MN1: variants seen among roughly 807,000 people sequenced by gnomAD.
MN1 encodes the protein transcriptional activator MN1.
MN1 carries 19 observed loss-of-function variants against 86.9 expected under a neutral mutation model. The ratio of observed to expected loss-of-function variants is 0.22; its 90% CI spans 0.15 to 0.32. The LOEUF is 0.32. MN1 is among the 10% of genes least tolerant of loss of function. MN1 has a pLI of 1.00. For synonymous variants in MN1, 928 were observed against 849.6 expected, an observed-to-expected ratio of 1.09 and a Z score of -1.60; for missense variants, 1,841 against 1,862.0, an observed-to-expected ratio of 0.99 and a Z score of 0.21.
rs1464380302 is a variant in MN1, at chr22:27,748,398, AT to A, written c.*2516del. The A allele has an allele frequency of 1.1e-5, 2 of 185,000 alleles. No homozygotes were observed. Among genetic ancestry groups the A allele is most frequent in the Non-Finnish European group, 2.3e-5 (2 of 87,166 alleles). 11.5% of individuals were successfully genotyped at this position (185,000 alleles called of 1,614,324 possible). A position where few individuals can be genotyped will look rare whatever the true frequency, so the allele number is the denominator to read the frequency against. On this transcript the variant is annotated 3_prime_UTR_variant, in exon 2 of 2. Transcript: ENST00000302326. ...ATTTTTTTAAAAAAGAAAGAAAAAA[AT>A]AACACTCAATTTCATGAGCTATTGT...
intron 1 of MN1, among the ~76,000 whole-genome samples, chr22:27,792,585 A>G (rs574642555): frequency 4.2e-4 from 64 of 152,192 alleles, no homozygotes; most frequent in African/African-American, 1.5e-3. Context: ...CAGCCATGAA[A>G]TATTAAACAA....
intron 1 of MN1, among the ~76,000 whole-genome samples, chr22:27,754,027 A>G (rs2146292935): frequency 6.6e-6 from 1 of 152,318 alleles, no homozygotes; most frequent in Middle Eastern, 3.4e-3. Context: ...TGAACGTAGC[A>G]ATGCTTGAGC....
rs5844790 is a variant in MN1, at chr22:27,761,432, G to GA, written c.3782-10337dup. ...TCTCTCTCACACACACTTTTTGGGG[G>GA]AAAAAAAAAAAAACCCAAGGCTCAC... On this transcript the variant is annotated intron_variant, in intron 1 of 1. Coordinates refer to ENST00000302326, the MANE Select transcript of MN1 (RefSeq NM_002430.3). Among the ~76,000 whole-genome samples the GA allele has an allele frequency of 1.4e-3, 197 of 140,114 alleles. 1 individual carries two copies. Among genetic ancestry groups the GA allele is most frequent in the Non-Finnish European group, 1.5e-3 (96 of 64,154 alleles). 91.9% of individuals were successfully genotyped at this position (140,114 alleles called of 152,430 possible).
At chr22:27,762,083 G>C (rs1051525185) in intron 1 of MN1, among the ~76,000 whole-genome samples, 1 of 152,108 alleles carries the variant, frequency 6.6e-6, no homozygotes, top group Non-Finnish European at 1.5e-5. Flanking sequence ...ATCTCTGATT[G>C]GGCTCCCTGT....
chr22:27,783,351 C>T (rs532341692), intron 1 of MN1, among the ~76,000 whole-genome samples: 4 of 152,168 alleles, frequency 2.6e-5, no homozygotes, highest in East Asian at 1.9e-4. Context: ...ATGCTGGTCT[C>T]GAACTCCTGA....
intron 1 of MN1, 85 bp from the exon 2 acceptor site, chr22:27,751,181 T>C (rs1932761395): frequency 8.2e-7 from 1 of 1,222,558 alleles, no homozygotes; most frequent in East Asian, 2.6e-5. Flanking sequence ...GGCAGAGGCA[T>C]ACAAGACAGG....
chr22:27,798,540 C>T lies in MN1; in HGVS notation c.2004G>A (p.Pro668=), dbSNP rs767706406. ...GGAACAGCACCCCCGAGCCACCAGG[C>T]GGAGGAGGGGGCGCCAGGCTGGGGT... ...PHDPSLAPPP[P]PGGSGVLFRG... The change falls in exon 1 of 2, where the codon CCG becomes CCA. Residue 668 remains proline (P), a synonymous_variant. Transcript: ENST00000302326. 25 of 1,520,074 alleles carry T rather than the reference C, an allele frequency of 1.6e-5. 1 individual carries two copies. The Middle Eastern group carries it at 5.2e-4, about 32-fold the overall frequency. The allele number at this position is 1,520,074 out of a possible 1,614,324, so 94.2% of individuals were successfully genotyped here.
intron 1 of MN1, 34 bp downstream of exon 1, chr22:27,796,729 C>A (rs775780555): frequency 2.1e-5 from 32 of 1,547,950 alleles, no homozygotes; most frequent in Middle Eastern, 2.3e-4. Flanking sequence ...GGCGGGTCAC[C>A]CGGGAAGTGA....
intron 1 of MN1, among the ~76,000 whole-genome samples, chr22:27,773,841 G>T (rs1392929734): frequency 6.6e-6 from 1 of 152,176 alleles, no homozygotes; most frequent in Non-Finnish European, 1.5e-5. Context: ...TTTTAGTAGA[G>T]ACTGAGTTTC....
At position 27,799,871 on chromosome 22, in the gene MN1, G is replaced by C. The variant is rs757402494; in HGVS notation, c.673C>G (p.Gln225Glu). ...HSLEPRRVTNQGAVDSLEYNY... is the reference protein window; with the variant it reads ...HSLEPRRVTNEGAVDSLEYNY... The stretch of plus-strand genomic sequence containing the variant: ...TATTCCAGCGAGTCGACGGCTCCTT[G>C]GTTCGTCACCCTCCGTGGCTCCAGA... The change falls in exon 1 of 2, where the codon CAA (glutamine) becomes GAA (glutamate). Residue 225 changes from glutamine (Q) to glutamate (E), a missense_variant. By Grantham distance (29) the Gln-to-Glu change is conservative. Transcript: ENST00000302326. 5 of 1,603,024 alleles carry C rather than the reference G, an allele frequency of 3.1e-6. No individual in the cohort carries two copies. The African/African-American group carries it at 4.0e-5, about 13-fold the overall frequency.
intron 1 of MN1, among the ~76,000 whole-genome samples, chr22:27,783,903 A>G (rs1298135759): frequency 9.2e-5 from 14 of 152,342 alleles, no homozygotes; most frequent in Non-Finnish European, 4.4e-5. Context: ...CTGGGTCAGC[A>G]GACACTGGCC....
chr22:27,795,698 T>C (rs900677961), intron 1 of MN1, among the ~76,000 whole-genome samples: 3 of 149,066 alleles, frequency 2.0e-5, no homozygotes, highest in Non-Finnish European at 4.4e-5. Flanking sequence ...TAGACACACA[T>C]ACCTATATAT....
Position 27,799,573 on chromosome 22 carries a change from G to A in MN1, c.971C>T (p.Pro324Leu), listed in dbSNP as rs1209787824. 9.3e-6 allele frequency: 14 copies of A among 1,498,684 alleles called. No homozygotes were observed. The highest frequency in any genetic ancestry group is 1.2e-5 in the Non-Finnish European group (13 of 1,121,186). The allele number at this position is 1,498,684 out of a possible 1,614,324, so 92.8% of individuals were successfully genotyped here. A position where few individuals can be genotyped will look rare whatever the true frequency, so the allele number is the denominator to read the frequency against. The change falls in exon 1 of 2, where the codon CCT becomes CTT. Residue 324 changes from proline (P) to leucine (L), a missense_variant. Pro to Leu is a moderately conservative substitution (Grantham distance 98). Coordinates refer to ENST00000302326, the MANE Select transcript of MN1 (RefSeq NM_002430.3). The stretch of plus-strand genomic sequence containing the variant: ...GCCCACTGAGGGCTCCAGACCCACA[G>A]GCATCTTTCTGGCCCCACTGAACCT... ...FERFSGARKM[P>L]VGLEPSVGSR... is the part of the protein sequence containing the mutation.
intron 1 of MN1, among the ~76,000 whole-genome samples, chr22:27,764,300 G>A (rs1469175744): frequency 6.6e-6 from 1 of 152,206 alleles, no homozygotes; most frequent in Non-Finnish European, 1.5e-5. Context: ...GCAAGGTGAG[G>A]GAAAAGAGTC....
intron 1 of MN1, among the ~76,000 whole-genome samples, chr22:27,769,587 C>T (rs1246783291): frequency 5.4e-4 from 34 of 62,612 alleles, no homozygotes; most frequent in African/African-American, 2.4e-3. Context: ...GAGTCTCGCT[C>T]TGTCACCCAG....
intron 1 of MN1, among the ~76,000 whole-genome samples, chr22:27,763,884 C>T (rs1932850548): frequency 1.3e-5 from 2 of 152,194 alleles, no homozygotes; most frequent in South Asian, 2.1e-4. Flanking sequence ...GAGGGGAGAA[C>T]TGGGGATCCT....
In MN1 at chr22:27,748,480, AT is replaced by A; in HGVS notation, c.*2434del. The A allele has an allele frequency of 5.1e-6, 1 of 197,310 alleles. No homozygotes were observed. The highest frequency in any genetic ancestry group is 1.1e-5 in the Non-Finnish European group (1 of 94,836). 12.2% of individuals were successfully genotyped at this position (197,310 alleles called of 1,614,324 possible). A position where few individuals can be genotyped will look rare whatever the true frequency, so the allele number is the denominator to read the frequency against. On this transcript the variant is annotated 3_prime_UTR_variant, in exon 2 of 2. Coordinates refer to ENST00000302326, the MANE Select transcript of MN1 (RefSeq NM_002430.3). ...GAATTTCTTTTAAGAGTCAAAAAAG[AT>A]TACAGGATTGCCTAACACACAGCAG... is the stretch of plus-strand genomic sequence containing the variant.
intron 1 of MN1, among the ~76,000 whole-genome samples, chr22:27,777,122 T>C (rs1201473065): frequency 1.3e-5 from 2 of 152,172 alleles, no homozygotes; most frequent in Non-Finnish European, 2.9e-5. Context: ...AAACCCTAAA[T>C]GAACACTTGA....
At chr22:27,757,216 G>A (rs1044839070) in intron 1 of MN1, among the ~76,000 whole-genome samples, 2 of 151,834 alleles carry the variant, frequency 1.3e-5, no homozygotes, top group Non-Finnish European at 2.9e-5. Context: ...TTTGTTTTTT[G>A]TAGAGATGGG....
Sources: gnomAD v4.1 joint callset for allele counts (sites outside exome capture counted in the v4.1 genomes callset) on GRCh38, gnomAD v4.1.1 for gene constraint, MANE v1.5 for transcripts, NCBI Gene and HGNC (gene_info 2026-07-23, HGNC 2026-07-21) for gene names.